PACSIN2: variants seen among roughly 807,000 people sequenced by gnomAD.
PACSIN2 encodes protein kinase C and casein kinase substrate in neurons protein 2.
PACSIN2 carries 25 observed loss-of-function variants against 63.8 expected under a neutral mutation model. That is an observed-to-expected ratio of 0.39 (90% CI 0.29 to 0.55). PACSIN2 has a LOEUF of 0.55. Among genes scored for constraint, PACSIN2 ranks in the 20% least tolerant of loss-of-function variants. The probability of loss-of-function intolerance (pLI) is 0.62; values close to 1 mark genes in which losing one functional copy is unlikely to be tolerated. For missense variants in PACSIN2, 518 were observed against 646.9 expected (o/e 0.80, Z 2.16); for synonymous variants, 255 against 256.2 (o/e 1.00, Z 0.05).
At chr22:42,922,975 G>A (rs1932291570) in intron 1 of PACSIN2, among the ~76,000 whole-genome samples, 1 of 152,174 alleles carries the variant, frequency 6.6e-6, no homozygotes, top group Admixed American at 6.5e-5. Context: ...TGGGCAGTGG[G>A]CATGAGAAGG....
intron 1 of PACSIN2, among the ~76,000 whole-genome samples, chr22:43,000,950 C>A (rs1201864707): frequency 1.3e-5 from 2 of 152,196 alleles, no homozygotes; most frequent in African/African-American, 2.4e-5. Flanking sequence ...AGGCAAGGCC[C>A]AGCTCTGGGC....
At chr22:42,898,883 G>A (rs1451996700) in intron 2 of PACSIN2, among the ~76,000 whole-genome samples, 1 of 152,170 alleles carries the variant, frequency 6.6e-6, no homozygotes, top group Non-Finnish European at 1.5e-5. Flanking sequence ...GTGCAATCAG[G>A]AGCAGAGAAA....
chr22:42,998,664 A>T (rs1923566988), intron 1 of PACSIN2, among the ~76,000 whole-genome samples: 1 of 152,224 alleles, frequency 6.6e-6, no homozygotes, highest in Non-Finnish European at 1.5e-5. Flanking sequence ...TAATGATACA[A>T]ACACGAGGCA....
chr22:42,916,017 A>C (rs923612669), intron 1 of PACSIN2, among the ~76,000 whole-genome samples: 1 of 152,190 alleles, frequency 6.6e-6, no homozygotes, highest in African/African-American at 2.4e-5. Context: ...CCTGTGGGGA[A>C]GGCCTGGGAT....
At chr22:42,895,919 G>A (rs1199076928) in intron 2 of PACSIN2, among the ~76,000 whole-genome samples, 10 of 152,160 alleles carry the variant, frequency 6.6e-5, no homozygotes, top group South Asian at 2.1e-4. Context: ...AGTCTCTATC[G>A]CCATAAACCA....
chr22:42,889,458 A>C (rs1929746372), intron 4 of PACSIN2, among the ~76,000 whole-genome samples: 1 of 152,004 alleles, frequency 6.6e-6, no homozygotes, highest in Admixed American at 6.6e-5. Flanking sequence ...AGAGGGAAGG[A>C]GGAGTTTATT....
chr22:42,890,060 G>C (rs1929793695), intron 4 of PACSIN2, among the ~76,000 whole-genome samples: 1 of 147,816 alleles, frequency 6.8e-6, no homozygotes, highest in African/African-American at 2.5e-5. Flanking sequence ...GGAGTGCAGT[G>C]GCGTGATCTC....
chr22:42,974,999 G>C (rs1030139247), intron 1 of PACSIN2, among the ~76,000 whole-genome samples: 2 of 152,154 alleles, frequency 1.3e-5, no homozygotes, highest in African/African-American at 2.4e-5. Context: ...CCAGGGCCTA[G>C]AATGTGGGTC....
chr22:42,947,277 G>A (rs567188230), intron 1 of PACSIN2, among the ~76,000 whole-genome samples: 8 of 152,306 alleles, frequency 5.3e-5, no homozygotes, highest in African/African-American at 1.9e-4. Flanking sequence ...TTCGAGGTCT[G>A]CTGTGCCAGG....
chr22:43,008,650 A>G (rs1378502846), intron 1 of PACSIN2, among the ~76,000 whole-genome samples: 1 of 152,234 alleles, frequency 6.6e-6, no homozygotes, highest in Admixed American at 6.5e-5. Context: ...TTAGGAATCT[A>G]GCCAGAAGGC....
Position 42,926,348 on chromosome 22 carries a change from C to T in PACSIN2, c.-77-14191G>A, listed in dbSNP as rs182404047. ...ACCCATCGGCCTGGGCAGGGTGGGG[C>T]AGAACACACTCAAAGGTGCTTCCAG... On this transcript the variant is annotated intron_variant, in intron 1 of 10. Transcript: ENST00000263246. Among the ~76,000 whole-genome samples, 16 of 152,186 alleles carry T rather than the reference C, an allele frequency of 1.1e-4. No individual in the cohort carries two copies. In the East Asian group the frequency reaches 3.1e-3, roughly 29 times the overall value.
intron 2 of PACSIN2, among the ~76,000 whole-genome samples, chr22:42,905,564 C>T (rs569590352): frequency 2.8e-4 from 42 of 152,334 alleles, no homozygotes; most frequent in African/African-American, 7.7e-4. Context: ...GCCTGACCTG[C>T]GACGGTGCAC....
chr22:42,874,072 G>T lies in PACSIN2; in HGVS notation c.1348+2065C>A, dbSNP rs114980185. 6.4e-3 allele frequency among the ~76,000 whole-genome samples: 970 copies of T among 152,236 alleles called. 16 individuals carry two copies. Among genetic ancestry groups the T allele is most frequent in the African/African-American group, 0.023 (944 of 41,542 alleles). On this transcript the variant is annotated intron_variant, in intron 10 of 10. Transcript: ENST00000263246. ...CGCAAAGTGCTGGGATTACAGGTGT[G>T]AGCCATCGTGCCCGGACAAGATAAC...
At chr22:42,976,862 G>A (rs779872998) in intron 1 of PACSIN2, among the ~76,000 whole-genome samples, 1 of 152,144 alleles carries the variant, frequency 6.6e-6, no homozygotes, top group African/African-American at 2.4e-5. Context: ...TTTGGCTAAC[G>A]TCAGAGAATT....
At chr22:42,881,459 G>A (rs1929068919) in intron 7 of PACSIN2, among the ~76,000 whole-genome samples, 1 of 152,170 alleles carries the variant, frequency 6.6e-6, no homozygotes, top group East Asian at 1.9e-4. Context: ...GGGAAGCCAC[G>A]AGGCCCACGC....
intron 1 of PACSIN2, among the ~76,000 whole-genome samples, chr22:42,961,749 G>C (rs1252166903): frequency 6.6e-6 from 1 of 152,110 alleles, no homozygotes; most frequent in African/African-American, 2.4e-5. Context: ...CTCTAGCCTG[G>C]GTGACAGAGC....
At chr22:42,876,380 G>A (rs1307294862) in intron 9 of PACSIN2, 47 bp from the exon 10 acceptor site, 2 of 1,545,926 alleles carry the variant, frequency 1.3e-6, no homozygotes, top group Non-Finnish European at 1.8e-6. Context: ...GGGCGGCAGA[G>A]GGTGTGAGGC....
chr22:42,986,055 T>C (rs548920146), intron 1 of PACSIN2, among the ~76,000 whole-genome samples: 3 of 152,156 alleles, frequency 2.0e-5, no homozygotes, highest in Non-Finnish European at 4.4e-5. Context: ...CAAACAACGA[T>C]CCCCTTGCTC....
chr22:42,960,158 T>C (rs979992544), intron 1 of PACSIN2, among the ~76,000 whole-genome samples: 2 of 152,156 alleles, frequency 1.3e-5, no homozygotes, highest in Non-Finnish European at 2.9e-5. Flanking sequence ...ACAAACTAAC[T>C]TACACCATAC....
Sources: allele counts gnomAD v4.1 joint callset (sites outside exome capture counted in the v4.1 genomes callset), GRCh38; gene constraint gnomAD v4.1.1; transcripts MANE v1.5; gene names NCBI Gene and HGNC (gene_info 2026-07-23, HGNC 2026-07-21).